Variants in CLDN16 observed in about 807,000 individuals in gnomAD.
CLDN16 encodes the protein claudin-16.
A neutral mutation model predicts 24.6 loss-of-function variants in CLDN16; 13 were observed. The ratio of observed to expected loss-of-function variants is 0.53; its 90% confidence interval spans 0.34 to 0.84. The LOEUF (loss-of-function observed/expected upper bound fraction) is 0.84, where lower values mean the gene tolerates loss of function less well. Ranked by LOEUF, CLDN16 falls within the 40% of genes least tolerant of loss-of-function variation. The probability of loss-of-function intolerance (pLI) is 0.01; values close to 1 mark genes in which losing one functional copy is unlikely to be tolerated. For synonymous variants in CLDN16, 116 were observed against 106.7 expected (o/e 1.09, Z -0.54); for missense variants, 298 against 292.7 (o/e 1.02, Z -0.13).
Position 190,373,636 on chromosome 3 carries a change from A to T in CLDN16, n.231-892A>T, listed in dbSNP as rs556224734. Among the ~76,000 whole-genome samples the T allele has an allele frequency of 7.2e-5, 11 of 151,978 alleles. No individual in the cohort carries two copies. In the East Asian group the frequency reaches 2.1e-3, roughly 30 times the overall value. On this transcript the variant is annotated intron_variant and non_coding_transcript_variant, in intron 2 of 4. Coordinates refer to the CLDN16 transcript ENST00000468220. Reference sequence around the variant, plus strand: ...ATTGCCTTAAATAATGCTGTTGTGCATTATTTAAGATAAGATTATTTAATC... The same window carrying T: ...ATTGCCTTAAATAATGCTGTTGTGCTTTATTTAAGATAAGATTATTTAATC...
chr3:190,294,332 A>G, the CLDN16 span, among the ~76,000 whole-genome samples: 1 of 152,198 alleles, frequency 6.6e-6, no homozygotes, highest in South Asian at 2.1e-4. Flanking sequence ...AGAGCACACC[A>G]CATGTAGTTG....
the CLDN16 span, chr3:190,308,453 C>G: frequency 6.2e-7 from 1 of 1,612,936 alleles, no homozygotes; most frequent in South Asian, 1.1e-5. Flanking sequence ...AAAGGAAAAA[C>G]CCATGTGCTT....
At chr3:190,346,056 G>C (rs1177086082) in intron 1 of CLDN16, among the ~76,000 whole-genome samples, 1 of 152,098 alleles carries the variant, frequency 6.6e-6, no homozygotes, top group Non-Finnish European at 1.5e-5. Context: ...TGTGATGGAA[G>C]TAGCCAAGGA....
rs144589493 is a variant in CLDN16 at position 190,348,448 on chromosome 3, A to C, written n.122-22445A>C. Among the ~76,000 whole-genome samples the C allele has an allele frequency of 3.1e-4, 47 of 152,126 alleles. 3 individuals are homozygous for C. The East Asian group carries it at 9.1e-3, about 30-fold the overall frequency. Reference sequence around the variant, plus strand: ...TTGTTTCATTTAAAGCCATGGGAATAGAAGATATTGCTTAGAGAGACTGTG... The same window carrying C: ...TTGTTTCATTTAAAGCCATGGGAATCGAAGATATTGCTTAGAGAGACTGTG... On this transcript the variant is annotated intron_variant and non_coding_transcript_variant, in intron 1 of 4. Coordinates refer to the CLDN16 transcript ENST00000468220.
At chr3:190,405,140 A>T (rs1301159871) in intron 3 of CLDN16, among the ~76,000 whole-genome samples, 1 of 152,140 alleles carries the variant, frequency 6.6e-6, no homozygotes, top group Non-Finnish European at 1.5e-5. Flanking sequence ...CAAAATATGA[A>T]GCTCTCAGGC....
chr3:190,299,825 T>C, the CLDN16 span, among the ~76,000 whole-genome samples: 1 of 152,216 alleles, frequency 6.6e-6, no homozygotes, highest in Non-Finnish European at 1.5e-5. Context: ...TTTTCTGATA[T>C]ATAGGTACCA....
the CLDN16 span, among the ~76,000 whole-genome samples, chr3:190,314,319 A>T: frequency 6.6e-6 from 1 of 152,128 alleles, no homozygotes; most frequent in Non-Finnish European, 1.5e-5. Context: ...TATTTCTAAA[A>T]CTTCATTAAA....
chr3:190,370,559 A>G (rs758383841), intron 1 of CLDN16, among the ~76,000 whole-genome samples: 1 of 151,932 alleles, frequency 6.6e-6, no homozygotes, highest in Non-Finnish European at 1.5e-5. Context: ...TCACATGGCT[A>G]TGATCTGAAT....
intron 1 of CLDN16, among the ~76,000 whole-genome samples, chr3:190,355,511 A>G (rs1717749232): frequency 6.6e-6 from 1 of 151,876 alleles, no homozygotes; most frequent in African/African-American, 2.4e-5. Context: ...TTGTAGAATG[A>G]CCCACCTTTT....
chr3:190,404,695 A>G (rs988339946), intron 2 of CLDN16, 67 bp from the exon 3 acceptor site: 28 of 1,524,632 alleles, frequency 1.8e-5, no homozygotes, highest in Non-Finnish European at 2.5e-5. Flanking sequence ...TTTTTTTGCT[A>G]TGTCTCTGTG....
At chr3:190,393,616 T>C (rs1040650962) in intron 1 of CLDN16, among the ~76,000 whole-genome samples, 2 of 152,162 alleles carry the variant, frequency 1.3e-5, no homozygotes, top group African/African-American at 4.8e-5. Context: ...TTTGTTTTTG[T>C]TCTGGAGAAG....
intron 1 of CLDN16, among the ~76,000 whole-genome samples, chr3:190,360,574 A>G (rs1257090297): frequency 1.3e-5 from 2 of 151,982 alleles, no homozygotes; most frequent in East Asian, 1.9e-4. Flanking sequence ...CATTTGTATT[A>G]TATTCCATTA....
At chr3:190,396,674 C>T (rs1718828057) in intron 1 of CLDN16, among the ~76,000 whole-genome samples, 2 of 152,056 alleles carry the variant, frequency 1.3e-5, no homozygotes, top group African/African-American at 4.8e-5. Context: ...AACAGATGAC[C>T]TATAATTGCA....
At chr3:190,342,897 T>G (rs148212084) in intron 1 of CLDN16, among the ~76,000 whole-genome samples, 345 of 152,314 alleles carry the variant, frequency 2.3e-3, no homozygotes, top group African/African-American at 7.9e-3. Context: ...GACATTGGCC[T>G]TGGCAATGAT....
chr3:190,360,191 G>A (rs999426213), intron 1 of CLDN16, among the ~76,000 whole-genome samples: 9 of 151,996 alleles, frequency 5.9e-5, no homozygotes, highest in Admixed American at 2.0e-4. Context: ...TCTAGTCCAA[G>A]GCAGAAGATA....
chr3:190,379,975 GTCTA>G (rs34203533), intron 3 of CLDN16, among the ~76,000 whole-genome samples: 275 of 149,098 alleles, frequency 1.8e-3, no homozygotes, highest in Middle Eastern at 3.5e-3. Context: ...TATCAACTCT[GTCTA>G]TCTATCTATC....
At chr3:190,296,011 C>T in the CLDN16 span, among the ~76,000 whole-genome samples, 17 of 151,928 alleles carry the variant, frequency 1.1e-4, no homozygotes, top group Admixed American at 3.3e-4. Context: ...GTTTTCTTCC[C>T]TGATAATTAT....
chr3:190,385,096 C>T (rs1718464626), upstream of CLDN16, among the ~76,000 whole-genome samples: 1 of 152,068 alleles, frequency 6.6e-6, no homozygotes, highest in Non-Finnish European at 1.5e-5. Context: ...TTCTTCCAAC[C>T]GTTTATTTTC....
At position 190,402,475 on chromosome 3, in the gene CLDN16, G is replaced by T. The variant is rs748881419; in HGVS notation, c.217+36G>T. The T allele has an allele frequency of 1.9e-5, 28 of 1,500,540 alleles. No individual in the cohort carries two copies. The African/African-American group carries it at 3.7e-4, about 20-fold the overall frequency. The allele number at this position is 1,500,540 out of a possible 1,614,324, so 93.0% of individuals were successfully genotyped here. A position where few individuals can be genotyped will look rare whatever the true frequency, so the allele number is the denominator to read the frequency against. ...CTTAGAGCTCACTGCTTGCCAGGAA[G>T]GGAAAGGGACAGAAAACTGAGTTCA... On this transcript the variant is annotated intron_variant, in intron 2 of 4. Transcript: ENST00000264734.
Sources: gnomAD v4.1 joint callset for allele counts (sites outside exome capture counted in the v4.1 genomes callset) on GRCh38, gnomAD v4.1.1 for gene constraint, MANE v1.5 for transcripts, NCBI Gene and HGNC (gene_info 2026-07-23, HGNC 2026-07-21) for gene names.